The following ANK2 variants were observed in gnomAD, a reference collection of about 807,000 sequenced individuals.
ANK2 encodes the protein ankyrin 2.
Under a neutral mutation model 360.5 loss-of-function variants are expected in ANK2, and 83 were observed. The ratio of observed to expected loss-of-function variants is 0.23; its 90% CI spans 0.19 to 0.28. ANK2 has a LOEUF of 0.28. Ranked by LOEUF, ANK2 falls within the 10% of genes least tolerant of loss-of-function variation. ANK2 has a pLI of 1.00. For missense variants in ANK2, 4,201 were observed against 4,795.7 expected (o/e 0.88, Z 3.66); for synonymous variants, 1,740 against 1,759.5 (o/e 0.99, Z 0.28).
chr4:113,308,099 A>T (rs1378160881), intron 23 of ANK2, among the ~76,000 whole-genome samples: 1 of 152,248 alleles, frequency 6.6e-6, no homozygotes, highest in East Asian at 1.9e-4. Flanking sequence ...TAAGTTGAAA[A>T]AAAGAAAGTG....
At chr4:112,996,118 A>G (rs930424584) in intron 2 of ANK2, among the ~76,000 whole-genome samples, 1 of 152,224 alleles carries the variant, frequency 6.6e-6, no homozygotes, top group Non-Finnish European at 1.5e-5. Flanking sequence ...TAAACTATTA[A>G]TACATGCAAT....
intron 2 of ANK2, among the ~76,000 whole-genome samples, chr4:112,965,219 T>C (rs2036739700): frequency 1.3e-5 from 2 of 152,202 alleles, no homozygotes; most frequent in Non-Finnish European, 2.9e-5. Context: ...GTATATCTCA[T>C]TGTAGTTTCG....
the ANK2 span, among the ~76,000 whole-genome samples, chr4:112,762,751 C>G: frequency 1.3e-5 from 2 of 152,244 alleles, no homozygotes; most frequent in Non-Finnish European, 2.9e-5. Context: ...CTCAGGTGAT[C>G]CACCCGCCTT....
intron 2 of ANK2, among the ~76,000 whole-genome samples, chr4:113,009,213 T>TGTG (rs1354634815): frequency 5.9e-5 from 9 of 152,206 alleles, no homozygotes; most frequent in African/African-American, 2.2e-4. Context: ...GTGAGATGGA[T>TGTG]GTGGTATTAA....
intron 41 of ANK2, among the ~76,000 whole-genome samples, chr4:113,365,705 C>T (rs1295951495): frequency 2.7e-5 from 4 of 150,922 alleles, no homozygotes; most frequent in Non-Finnish European, 4.4e-5. Flanking sequence ...CTCTATTTTA[C>T]ATGTTGTCTT....
intron 45 of ANK2, among the ~76,000 whole-genome samples, chr4:113,380,224 T>C (rs982901889): frequency 6.6e-6 from 1 of 152,008 alleles, no homozygotes; most frequent in Non-Finnish European, 1.5e-5. Context: ...ATTCCTTTGC[T>C]TTCCTAATAA....
chr4:112,759,002 C>T, the ANK2 span, among the ~76,000 whole-genome samples: 1 of 151,984 alleles, frequency 6.6e-6, no homozygotes, highest in South Asian at 2.1e-4. Context: ...TTCCTATGGT[C>T]CTTTTTATAC....
At chr4:112,720,193 C>G in the ANK2 span, among the ~76,000 whole-genome samples, 1 of 152,082 alleles carries the variant, frequency 6.6e-6, no homozygotes, top group Non-Finnish European at 1.5e-5. Context: ...ACCAATTATC[C>G]ACTCCTGTAG....
At chr4:113,173,469 C>T (rs2098070845) in intron 1 of ANK2, among the ~76,000 whole-genome samples, 1 of 152,142 alleles carries the variant, frequency 6.6e-6, no homozygotes, top group Non-Finnish European at 1.5e-5. Flanking sequence ...TCCATTTTCT[C>T]TTTAGTCAGA....
intron 17 of ANK2, among the ~76,000 whole-genome samples, chr4:113,279,960 G>A (rs1484878303): frequency 6.6e-6 from 1 of 151,900 alleles, no homozygotes; most frequent in Non-Finnish European, 1.5e-5. Context: ...ATATTCATTT[G>A]CATATCTATG....
intron 1 of ANK2, among the ~76,000 whole-genome samples, chr4:113,170,934 G>A (rs1381017336): frequency 6.6e-6 from 1 of 152,180 alleles, no homozygotes; most frequent in African/African-American, 2.4e-5. Context: ...TCCAGAGTTT[G>A]ACTATGGGCA....
chr4:112,867,876 T>G (rs115893745), intron 1 of ANK2, among the ~76,000 whole-genome samples: 3,920 of 152,332 alleles, frequency 0.026, 68 homozygotes, highest in Middle Eastern at 0.041. Flanking sequence ...TGTACAAATT[T>G]TCATGTGGAC....
chr4:113,331,252 A>C (rs1563816324), intron 27 of ANK2, among the ~76,000 whole-genome samples: 1 of 152,186 alleles, frequency 6.6e-6, no homozygotes, highest in African/African-American at 2.4e-5. Flanking sequence ...TACTGGGAGA[A>C]AATCCTAATA....
intron 9 of ANK2, among the ~76,000 whole-genome samples, chr4:113,248,315 C>T (rs113255687): frequency 6.4e-4 from 97 of 151,970 alleles, no homozygotes; most frequent in African/African-American, 2.2e-3. Context: ...CTAGTAACAG[C>T]GGGACTCAAT....
the ANK2 span, among the ~76,000 whole-genome samples, chr4:112,762,995 G>C: frequency 6.6e-6 from 1 of 152,234 alleles, no homozygotes; most frequent in Non-Finnish European, 1.5e-5. Flanking sequence ...GTTTCACTGG[G>C]AGAAAATTAA....
At chr4:113,320,522 G>C (rs905034365) in intron 26 of ANK2, among the ~76,000 whole-genome samples, 3 of 152,020 alleles carry the variant, frequency 2.0e-5, no homozygotes, top group Non-Finnish European at 4.4e-5. Flanking sequence ...CGTGGTGGTG[G>C]TGCACACCTG....
chr4:113,274,747 C>A, intron 15 of ANK2, 98 bp downstream of exon 15: 2 of 1,275,326 alleles, frequency 1.6e-6, no homozygotes, highest in South Asian at 2.5e-5. Flanking sequence ...TAGATCTCCT[C>A]AGGCCTTGAC....
At chr4:113,303,759 C>T (rs1370718482) in intron 23 of ANK2, among the ~76,000 whole-genome samples, 1 of 152,126 alleles carries the variant, frequency 6.6e-6, no homozygotes, top group Non-Finnish European at 1.5e-5. Context: ...AATAGTTCAG[C>T]TATTGGTCCA....
chr4:113,236,150 T>C (rs1488803433), intron 5 of ANK2, among the ~76,000 whole-genome samples: 2 of 152,160 alleles, frequency 1.3e-5, no homozygotes, highest in Non-Finnish European at 1.5e-5. Context: ...GTTTTTTTTT[T>C]CTTTCACGTA....
Sources: gnomAD v4.1 joint callset for allele counts (sites outside exome capture counted in the v4.1 genomes callset) on GRCh38, gnomAD v4.1.1 for gene constraint, MANE v1.5 for transcripts, NCBI Gene and HGNC (gene_info 2026-07-23, HGNC 2026-07-21) for gene names.